Variants in SARM1 observed in about 807,000 individuals in gnomAD.
SARM1 encodes NAD(+) hydrolase SARM1.
SARM1 carries 60 observed loss-of-function variants against 65.1 expected under a neutral mutation model. The ratio of observed to expected loss-of-function variants is 0.92; its 90% CI spans 0.75 to 1.14. SARM1 has a LOEUF of 1.14. Among genes scored for constraint, SARM1 ranks in the 50% most tolerant of loss-of-function variants. The pLI, the probability that SARM1 is intolerant of heterozygous loss-of-function variation, is 0.00. For missense variants in SARM1, 913 were observed against 1,015.7 expected (o/e 0.90, Z 1.37); for synonymous variants, 417 against 465.4 (o/e 0.90, Z 1.34).
intron 2 of SARM1, among the ~76,000 whole-genome samples, chr17:28,383,841 A>G (rs1555585585): frequency 6.6e-6 from 1 of 152,166 alleles, no homozygotes; most frequent in African/African-American, 2.4e-5. Context: ...TGCATGAAGG[A>G]GGTGCTAATC....
chr17:28,385,446 T>A lies in SARM1; in HGVS notation c.1630+171T>A, dbSNP rs1555585921. ...AAAGATGAATACGTTGCACTTTACC[T>A]CAAGAAGTTCCCAGTCTGAGGTGGG... On this transcript the variant is annotated intron_variant, in intron 5 of 8. Coordinates refer to ENST00000585482, the MANE Select transcript of SARM1 (RefSeq NM_015077.4). The surrounding 1 kb of genome is among the most constrained non-coding windows in gnomAD (Gnocchi z 4.5). 3.3e-6 allele frequency: 2 copies of A among 598,166 alleles called. No homozygotes were observed. Among genetic ancestry groups the A allele is most frequent in the Non-Finnish European group, 5.7e-6 (2 of 348,834 alleles). 37.1% of individuals were successfully genotyped at this position (598,166 alleles called of 1,614,324 possible).
Position 28,396,481 on chromosome 17 carries a change from G to T in SARM1, c.*195G>T, listed in dbSNP as rs1321938535. On this transcript the variant is annotated 3_prime_UTR_variant, in exon 9 of 9. Transcript: ENST00000585482. ...CTCAGTATCTGGAGAGGGAAGGGAA[G>T]TCAGGCTTGGGCACGGGAGGTTAGA... 1 of 659,250 alleles carries T rather than the reference G, an allele frequency of 1.5e-6. No homozygotes were observed. The highest frequency in any genetic ancestry group is 2.5e-6 in the Non-Finnish European group (1 of 393,618). 40.8% of individuals were successfully genotyped at this position (659,250 alleles called of 1,614,324 possible).
At chr17:28,388,637 C>G in intron 7 of SARM1, 98 bp downstream of exon 7, 1 of 1,303,514 alleles carries the variant, frequency 7.7e-7, no homozygotes, top group Non-Finnish European at 1.1e-6. Flanking sequence ...TCCCGGCACA[C>G]TTAGCCCTGA....
At position 28,372,235 on chromosome 17, in the gene SARM1, C is replaced by A. The variant is rs1419459913; in HGVS notation, c.203C>A (p.Ala68Glu). 2.2e-6 allele frequency: 3 copies of A among 1,384,550 alleles called. No individual in the cohort carries two copies. The highest frequency in any genetic ancestry group is 3.1e-5 in the African/African-American group (2 of 65,516). The allele number at this position is 1,384,550 out of a possible 1,614,324, so 85.8% of individuals were successfully genotyped here. The change falls in exon 1 of 9, where the codon GCG becomes GAG. Residue 68 changes from alanine to glutamate, a missense_variant. Coordinates refer to ENST00000585482, the MANE Select transcript of SARM1 (RefSeq NM_015077.4). This position sits in a 1 kb window ranked among gnomAD's most constrained non-coding sequence, Gnocchi z 5.2. ...GAGGTGCAGGACGCCCTGGAGCGCG[C>A]GCTGCCGGAGCTGCAGCAGGCCTTG... ...GTEVQDALER[A>E]LPELQQALSA... is the part of the protein sequence containing the mutation.
In SARM1 at chr17:28,400,684, G is replaced by A; in HGVS notation, c.*4398G>A. 1 of 1,612,818 alleles carries A rather than the reference G, an allele frequency of 6.2e-7. No homozygotes were observed. Among genetic ancestry groups the A allele is most frequent in the Non-Finnish European group, 8.5e-7 (1 of 1,179,564 alleles). ...GGAACCCCTTCATAAAGTTCAGAGT[G>A]GCTGGGTAGAGTGAGTTGAAGATGC... On this transcript the variant is annotated 3_prime_UTR_variant, in exon 9 of 9. Coordinates refer to ENST00000585482, the MANE Select transcript of SARM1 (RefSeq NM_015077.4).
At chr17:28,391,020 A>G (rs932120106) in intron 7 of SARM1, among the ~76,000 whole-genome samples, 1 of 152,222 alleles carries the variant, frequency 6.6e-6, no homozygotes, top group African/African-American at 2.4e-5. Context: ...CACTTTCCCA[A>G]GATCCACACT....
At chr17:28,388,585 T>G in intron 7 of SARM1, 46 bp downstream of exon 7, 1 of 1,581,134 alleles carries the variant, frequency 6.3e-7, no homozygotes, top group Admixed American at 1.7e-5. Context: ...TGGCCTGTGG[T>G]CCAGAAGATA....
In SARM1 at chr17:28,372,856, G is replaced by T. The variant is rs1442196230; in HGVS notation, c.470+354G>T. Among the ~76,000 whole-genome samples the T allele has an allele frequency of 1.3e-5, 2 of 152,082 alleles. No individual in the cohort carries two copies. The highest frequency in any genetic ancestry group is 1.3e-4 in the Admixed American group (2 of 15,266). ...CAAGCCCACAGCTCTCCTTCCCACCGGCTTGGGTTCCCGTCTATGACACCT... is the reference window on the plus strand; with the variant it reads ...CAAGCCCACAGCTCTCCTTCCCACCTGCTTGGGTTCCCGTCTATGACACCT... On this transcript the variant is annotated intron_variant, in intron 1 of 8. Transcript: ENST00000585482. The surrounding 1 kb of genome is among the most constrained non-coding windows in gnomAD (Gnocchi z 5.2).
chr17:28,391,880 GT>G (rs35495893), intron 7 of SARM1, among the ~76,000 whole-genome samples: 120 of 128,240 alleles, frequency 9.4e-4, no homozygotes, highest in South Asian at 1.3e-3. Context: ...ACTTGACTCC[GT>G]TTTTTTTTTT....
chr17:28,404,015 A>T lies in SARM1; in HGVS notation c.*7729A>T. 6.4e-6 allele frequency: 1 copy of T among 156,962 alleles called. No individual in the cohort carries two copies. The highest frequency in any genetic ancestry group is 3.3e-3 in the Middle Eastern group (1 of 302). The allele number at this position is 156,962 out of a possible 1,614,324, so 9.7% of individuals were successfully genotyped here. A position where few individuals can be genotyped will look rare whatever the true frequency, so the allele number is the denominator to read the frequency against. On this transcript the variant is annotated 3_prime_UTR_variant, in exon 9 of 9. Transcript: ENST00000585482. The stretch of plus-strand genomic sequence containing the variant: ...GTAACAAAGCGAGACCCTGTCTCTA[A>T]ATACATCAATCAAATAAAAATTTTA...
chr17:28,388,048 C>A, intron 5 of SARM1, 126 bp from the exon 6 acceptor site: 1 of 741,508 alleles, frequency 1.3e-6, no homozygotes, highest in Non-Finnish European at 2.3e-6. Flanking sequence ...TTGGGGCAGG[C>A]CACCCTCCCC....
chr17:28,387,886 T>C (rs1555586256), intron 5 of SARM1: 7 of 439,204 alleles, frequency 1.6e-5, no homozygotes, highest in East Asian at 1.1e-4. Context: ...TTTGGAGTGA[T>C]TGTGGGCAGC....
At chr17:28,395,596 ACTAT>A (rs1567811620) in intron 7 of SARM1, 1 of 287,098 alleles carries the variant, frequency 3.5e-6, no homozygotes, top group East Asian at 7.6e-5. Flanking sequence ...TCTTCCTGAA[ACTAT>A]CTAGGCTACC....
intron 1 of SARM1, among the ~76,000 whole-genome samples, chr17:28,376,468 G>A (rs2067990350): frequency 6.6e-6 from 1 of 151,520 alleles, no homozygotes; most frequent in African/African-American, 2.4e-5. Flanking sequence ...AGCTACTTGG[G>A]AGGCTGAGAC....
chr17:28,377,283 T>C (rs2067997588), intron 1 of SARM1, among the ~76,000 whole-genome samples: 1 of 152,148 alleles, frequency 6.6e-6, no homozygotes, highest in South Asian at 2.1e-4. Context: ...AGTTTTGGTT[T>C]TCTCATTGGT....
At position 28,388,008 on chromosome 17, in the gene SARM1, C is replaced by A. The variant is rs1387576693; in HGVS notation, c.1631-166C>A. ...TAAGAGGAACCCAACAATAACATGA[C>A]CTTCCTCCTGGAGGCCCCATTTCTC... On this transcript the variant is annotated intron_variant, in intron 5 of 8. Coordinates refer to ENST00000585482, the MANE Select transcript of SARM1 (RefSeq NM_015077.4). 6.4e-6 allele frequency: 4 copies of A among 624,452 alleles called. No individual in the cohort carries two copies. In the East Asian group the frequency reaches 1.1e-4, roughly 17 times the overall value. 38.7% of individuals were successfully genotyped at this position (624,452 alleles called of 1,614,324 possible). A position where few individuals can be genotyped will look rare whatever the true frequency, so the allele number is the denominator to read the frequency against.
intron 7 of SARM1, among the ~76,000 whole-genome samples, chr17:28,389,142 G>A (rs960341510): frequency 9.2e-5 from 14 of 152,192 alleles, no homozygotes; most frequent in African/African-American, 3.4e-4. Flanking sequence ...TGGAATAGTT[G>A]TTGAGAGCTC....
In SARM1 at chr17:28,381,200, C is replaced by A. The variant is rs782360648; in HGVS notation, c.471-3C>A. On this transcript the variant is annotated splice_region_variant and splice_polypyrimidine_tract_variant and intron_variant, in intron 1 of 8. Transcript: ENST00000585482. Reference sequence around the variant, plus strand: ...ACTGTCCCCTTCCACTTTCACTGGGCAGAGACCGCGTGGCGCGCATTGGGC... The same window carrying A: ...ACTGTCCCCTTCCACTTTCACTGGGAAGAGACCGCGTGGCGCGCATTGGGC... 3.3e-5 allele frequency: 53 copies of A among 1,587,934 alleles called. No individual in the cohort carries two copies. The highest frequency in any genetic ancestry group is 4.4e-5 in the Non-Finnish European group (51 of 1,167,584).
intron 1 of SARM1, among the ~76,000 whole-genome samples, chr17:28,380,870 G>A (rs868940200): frequency 2.2e-4 from 34 of 152,220 alleles, no homozygotes; most frequent in African/African-American, 8.2e-4. Context: ...GCTGCCCAAA[G>A]GTCTCCTTTA....
Sources: gnomAD v4.1 joint callset for allele counts (sites outside exome capture counted in the v4.1 genomes callset) on GRCh38, gnomAD v4.1.1 for gene constraint, Gnocchi (gnomAD v3.1) non-coding constraint, MANE v1.5 for transcripts, NCBI Gene and HGNC (gene_info 2026-07-23, HGNC 2026-07-21) for gene names.